BRINP3: variants seen among roughly 807,000 people sequenced by gnomAD.
BRINP3 encodes BMP/retinoic acid inducible neural specific 3.
BRINP3 carries 19 observed loss-of-function variants against 71.0 expected under a neutral mutation model. The ratio of observed to expected loss-of-function variants is 0.27; its 90% confidence interval spans 0.19 to 0.39. BRINP3 has a LOEUF of 0.39. Among genes scored for constraint, BRINP3 ranks in the 10% least tolerant of loss-of-function variants. The pLI, the probability that BRINP3 is intolerant of heterozygous loss-of-function variation, is 1.00. For synonymous variants in BRINP3, 380 were observed against 337.7 expected, an observed-to-expected ratio of 1.13 and a Z score of -1.37; for missense variants, 959 against 940.8, an observed-to-expected ratio of 1.02 and a Z score of -0.25.
chr1:190,311,640 G>C (rs1005078309), intron 2 of BRINP3, among the ~76,000 whole-genome samples: 6 of 151,358 alleles, frequency 4.0e-5, no homozygotes, highest in African/African-American at 1.5e-4. Context: ...AGTTAATATG[G>C]AGGTTAATTT....
chr1:190,126,785 T>C (rs779129476), intron 7 of BRINP3, among the ~76,000 whole-genome samples: 2 of 151,952 alleles, frequency 1.3e-5, no homozygotes, highest in Non-Finnish European at 2.9e-5. Context: ...AATTATCTGA[T>C]GCATTTATTT....
chr1:190,308,231 C>G (rs567468448), intron 2 of BRINP3, among the ~76,000 whole-genome samples: 1 of 150,130 alleles, frequency 6.7e-6, no homozygotes, highest in South Asian at 2.1e-4. Context: ...TTAACGGCAA[C>G]CTAAACATAA....
chr1:190,134,831 T>C (rs1654840962), intron 7 of BRINP3, among the ~76,000 whole-genome samples: 1 of 152,086 alleles, frequency 6.6e-6, no homozygotes, highest in South Asian at 2.1e-4. Context: ...ACATTTGGTG[T>C]CACTGATCCT....
At chr1:190,122,862 TATAG>T (rs1408690682) in intron 7 of BRINP3, among the ~76,000 whole-genome samples, 1 of 152,094 alleles carries the variant, frequency 6.6e-6, no homozygotes, top group Non-Finnish European at 1.5e-5. Context: ...TAGGTATAGA[TATAG>T]ATAGTGTTTT....
At chr1:190,408,199 ATTTATTTTTTTTT>A (rs1458780326) in intron 2 of BRINP3, among the ~76,000 whole-genome samples, 1 of 50,352 alleles carries the variant, frequency 2.0e-5, no homozygotes, top group Non-Finnish European at 5.3e-5. Context: ...TTATTTATTT[ATTTATTTTTTTTT>A]TTTTTGTATT....
chr1:190,253,184 A>G (rs559097930), intron 4 of BRINP3, among the ~76,000 whole-genome samples: 1 of 152,152 alleles, frequency 6.6e-6, no homozygotes, highest in African/African-American at 2.4e-5. Flanking sequence ...TCATTGATGG[A>G]CATTTGGGTT....
chr1:190,118,740 TCAGGCAATTAAAACA>T (rs1653362683), intron 7 of BRINP3, among the ~76,000 whole-genome samples: 1 of 152,188 alleles, frequency 6.6e-6, no homozygotes, highest in African/African-American at 2.4e-5. Flanking sequence ...GGTATTTCCT[TCAGGCAATTAAAACA>T]TCAATCAATT....
intron 7 of BRINP3, among the ~76,000 whole-genome samples, chr1:190,141,940 A>G (rs1389474435): frequency 3.3e-5 from 5 of 152,150 alleles, no homozygotes; most frequent in African/African-American, 1.2e-4. Context: ...GTGAGGATCA[A>G]AAAAGATATC....
intron 7 of BRINP3, among the ~76,000 whole-genome samples, chr1:190,121,520 C>T (rs1330026293): frequency 1.3e-5 from 2 of 152,070 alleles, no homozygotes; most frequent in Non-Finnish European, 2.9e-5. Flanking sequence ...GTATTTACTG[C>T]AGAAGTAAAT....
At chr1:190,466,962 A>T (rs1676797614) in intron 1 of BRINP3, among the ~76,000 whole-genome samples, 1 of 151,650 alleles carries the variant, frequency 6.6e-6, no homozygotes, top group Non-Finnish European at 1.5e-5. Context: ...ATAAAAAAAC[A>T]CAACGAACAC....
intron 2 of BRINP3, among the ~76,000 whole-genome samples, chr1:190,313,354 T>A (rs1027689497): frequency 1.3e-5 from 2 of 151,906 alleles, no homozygotes; most frequent in African/African-American, 2.4e-5. Flanking sequence ...GCATAGATGA[T>A]ACAGGAAGAA....
chr1:190,468,743 G>A (rs1344546945), intron 1 of BRINP3, among the ~76,000 whole-genome samples: 1 of 151,038 alleles, frequency 6.6e-6, no homozygotes, highest in African/African-American at 2.4e-5. Flanking sequence ...TGGGAGTAGA[G>A]GAGGCTTATG....
rs191274362 is a variant in BRINP3, at chr1:190,147,506, A to G, written c.1184+13162T>C. On this transcript the variant is annotated intron_variant, in intron 7 of 7. Transcript: ENST00000367462. ...TCCTTTTGTTTTCCTCTCAAATAAAATATCAATTCACTAAGCAGAAAATTC... is the reference window on the plus strand; with the variant it reads ...TCCTTTTGTTTTCCTCTCAAATAAAGTATCAATTCACTAAGCAGAAAATTC... Among the ~76,000 whole-genome samples, 475 of 152,334 alleles carry G rather than the reference A, an allele frequency of 3.1e-3. 3 individuals are homozygous for G. The highest frequency in any genetic ancestry group is 0.011 in the African/African-American group (451 of 41,576).
intron 7 of BRINP3, among the ~76,000 whole-genome samples, chr1:190,108,990 A>C (rs1301898190): frequency 1.1e-4 from 16 of 152,190 alleles, no homozygotes; most frequent in Non-Finnish European, 2.9e-5. Context: ...AGCAGGGAGA[A>C]GATCCGTAAG....
At chr1:190,457,317 A>G (rs974717979) in intron 1 of BRINP3, among the ~76,000 whole-genome samples, 1 of 152,076 alleles carries the variant, frequency 6.6e-6, no homozygotes, top group African/African-American at 2.4e-5. Context: ...GGTGGCACAC[A>G]TCTGTAATCC....
At chr1:190,280,660 G>A (rs1159144744) in intron 3 of BRINP3, among the ~76,000 whole-genome samples, 1 of 151,804 alleles carries the variant, frequency 6.6e-6, no homozygotes, top group Non-Finnish European at 1.5e-5. Flanking sequence ...CCATTGCTGC[G>A]AATCAGTCCG....
chr1:190,109,725 C>A (rs1652503420), intron 7 of BRINP3, among the ~76,000 whole-genome samples: 1 of 152,242 alleles, frequency 6.6e-6, no homozygotes, highest in African/African-American at 2.4e-5. Flanking sequence ...TTCATACTCT[C>A]TTCTGGAGTT....
chr1:190,394,117 T>C (rs542929941), intron 2 of BRINP3, among the ~76,000 whole-genome samples: 13 of 151,646 alleles, frequency 8.6e-5, no homozygotes, highest in African/African-American at 2.7e-4. Flanking sequence ...AAATTGTTCA[T>C]CTTAATTAGT....
At chr1:190,473,710 C>T (rs1181571969) in intron 1 of BRINP3, among the ~76,000 whole-genome samples, 1 of 150,944 alleles carries the variant, frequency 6.6e-6, no homozygotes, top group Non-Finnish European at 1.5e-5. Flanking sequence ...CTATTGGCTG[C>T]TCAATCTACA....
Sources: allele counts gnomAD v4.1 joint callset (sites outside exome capture counted in the v4.1 genomes callset), GRCh38; gene constraint gnomAD v4.1.1; transcripts MANE v1.5; gene names NCBI Gene and HGNC (gene_info 2026-07-23, HGNC 2026-07-21).